The following TUBB variants were observed in gnomAD, a reference collection of about 807,000 sequenced individuals.
TUBB encodes tubulin beta class I, also known as tubulin beta chain.
Under a neutral mutation model 35.1 loss-of-function variants are expected in TUBB, and 2 were observed. The observed-to-expected ratio is 0.06, with a 90% CI of 0.02 to 0.18. The LOEUF (loss-of-function observed/expected upper bound fraction) is 0.18. Among genes scored for constraint, TUBB ranks in the 10% least tolerant of loss-of-function variants. TUBB has a pLI of 1.00. For synonymous variants in TUBB, 205 were observed against 223.8 expected, an observed-to-expected ratio of 0.92 and a Z score of 0.75; for missense variants, 50 against 599.4, an observed-to-expected ratio of 0.08 and a Z score of 9.57.
chr6:30,723,695 C>T lies in TUBB; in HGVS notation c.633C>T (p.Cys211=), dbSNP rs11546750. 1.2e-6 allele frequency: 2 copies of T among 1,614,228 alleles called. No individual in the cohort carries two copies. Among genetic ancestry groups the T allele is most frequent in the Non-Finnish European group, 1.7e-6 (2 of 1,180,042 alleles). ...ACAACGAGGCCCTCTATGATATCTG[C>T]TTCCGCACTCTGAAGCTGACCACAC... ...CIDNEALYDI[C]FRTLKLTTPT... Residue 211 remains cysteine, a synonymous_variant, in exon 4 of 4, where the codon TGC becomes TGT. Transcript: ENST00000327892.
At position 30,722,662 on chromosome 6, in the gene TUBB, G is replaced by C; in HGVS notation, c.166+17G>C. On this transcript the variant is annotated intron_variant, in intron 2 of 3. Coordinates refer to ENST00000327892, the MANE Select transcript of TUBB (RefSeq NM_178014.4). Reference sequence around the variant, plus strand: ...AAGCCACAGGTAAGGGCAGGAGCCCGGGCAGCTCAGGTTCCCTTCCCTGTC... The same window carrying C: ...AAGCCACAGGTAAGGGCAGGAGCCCCGGCAGCTCAGGTTCCCTTCCCTGTC... The C allele has an allele frequency of 6.2e-7, 1 of 1,600,154 alleles. No homozygotes were observed. The highest frequency in any genetic ancestry group is 8.6e-7 in the Non-Finnish European group (1 of 1,168,312).
intron 1 of TUBB, chr6:30,721,549 AG>A: frequency 1.0e-6 from 1 of 984,864 alleles, no homozygotes. Context: ...CCACGCGCGA[AG>A]TCTTTTGTCG....
intron 2 of TUBB, 127 bp from the exon 3 acceptor site, chr6:30,722,791 G>T: frequency 9.0e-7 from 1 of 1,112,332 alleles, no homozygotes. Context: ...GGCCAAAGAC[G>T]TCTGCTGCCA....
At position 30,720,512 on chromosome 6, in the gene TUBB, G is replaced by A. The variant is rs376473553; in HGVS notation, c.6G>A (p.Arg2=). 1.1e-5 allele frequency: 18 copies of A among 1,613,920 alleles called. No individual in the cohort carries two copies. The highest frequency in any genetic ancestry group is 1.4e-5 in the Non-Finnish European group (17 of 1,179,948). The change falls in exon 1 of 4, where the codon AGG becomes AGA. Residue 2 remains arginine, a synonymous_variant. Transcript: ENST00000327892. ...AAAAAAATTAAATTTTAACCATGAG[G>A]GAAATCGTGCACATCCAGGCTGGTC... M[R]EIVHIQAGQC...
At position 30,724,404 on chromosome 6, in the gene TUBB, G is replaced by C; in HGVS notation, c.*7G>C. The C allele has an allele frequency of 6.2e-7, 1 of 1,605,188 alleles. No homozygotes were observed. Among genetic ancestry groups the C allele is most frequent in the Non-Finnish European group, 8.5e-7 (1 of 1,175,948 alleles). ...GGCCGAAGAGGAGGCCTAAGGCAGA[G>C]CCCCCATCACCTCAGGCTTCTCAGT... On this transcript the variant is annotated 3_prime_UTR_variant, in exon 4 of 4. Transcript: ENST00000327892. This position sits in a 1 kb window ranked among gnomAD's most constrained non-coding sequence, Gnocchi z 4.4.
intron 1 of TUBB, chr6:30,721,763 T>G (rs1227899110): frequency 1.0e-6 from 1 of 984,094 alleles, no homozygotes; most frequent in Non-Finnish European, 1.2e-6. Context: ...GCTGCACATA[T>G]CCAGAGCAGG....
chr6:30,720,917 A>T (rs948681350), intron 1 of TUBB, among the ~76,000 whole-genome samples: 1 of 152,248 alleles, frequency 6.6e-6, no homozygotes, highest in African/African-American at 2.4e-5. Context: ...GGTTTTGCCC[A>T]TGTGCATCCC....
intron 1 of TUBB, chr6:30,721,881 G>A: frequency 1.0e-6 from 1 of 985,826 alleles, no homozygotes; most frequent in South Asian, 4.7e-5. Flanking sequence ...GAATTAAAAT[G>A]GGAGATGTGG....
In TUBB at chr6:30,724,647, C is replaced by T. The variant is rs1203302372; in HGVS notation, c.*250C>T. On this transcript the variant is annotated 3_prime_UTR_variant, in exon 4 of 4. Transcript: ENST00000327892. This position sits in a 1 kb window ranked among gnomAD's most constrained non-coding sequence, Gnocchi z 4.4. ...ATTCTGGGTGACCCTGTATTTCTTT[C>T]TGGTGCCCATTCCATTTGTCCAGTT... is the stretch of plus-strand genomic sequence containing the variant. 2 of 508,586 alleles carry T rather than the reference C, an allele frequency of 3.9e-6. No homozygotes were observed. The highest frequency in any genetic ancestry group is 3.6e-5 in the Admixed American group (1 of 27,738). The allele number at this position is 508,586 out of a possible 1,614,324, so 31.5% of individuals were successfully genotyped here. A position where few individuals can be genotyped will look rare whatever the true frequency, so the allele number is the denominator to read the frequency against.
chr6:30,723,680 C>T lies in TUBB; in HGVS notation c.618C>T (p.Ala206=), dbSNP rs749227116. 1.9e-6 allele frequency: 3 copies of T among 1,614,146 alleles called. No homozygotes were observed. The highest frequency in any genetic ancestry group is 2.5e-6 in the Non-Finnish European group (3 of 1,180,028). The change falls in exon 4 of 4, where the codon GCC becomes GCT. Residue 206 remains alanine (A), a synonymous_variant. Transcript: ENST00000327892. The part of the protein sequence containing the change: ...TDETYCIDNE[A]LYDICFRTLK... ...AGACCTATTGCATTGACAACGAGGC[C>T]CTCTATGATATCTGCTTCCGCACTC...
intron 1 of TUBB, 108 bp downstream of exon 1, chr6:30,720,671 C>T: frequency 1.0e-6 from 1 of 971,154 alleles, no homozygotes; most frequent in African/African-American, 1.7e-5. Flanking sequence ...TCAAGATTTG[C>T]CCCTCTCAAG....
intron 1 of TUBB, 57 bp downstream of exon 1, chr6:30,720,620 T>C: frequency 1.9e-6 from 3 of 1,549,760 alleles, no homozygotes; most frequent in Admixed American, 3.7e-5. Context: ...AGGTAAGTTA[T>C]GAAAAAATGG....
chr6:30,723,090 A>G (rs908634966), intron 3 of TUBB, 62 bp downstream of exon 3: 12 of 1,348,868 alleles, frequency 8.9e-6, no homozygotes, highest in Non-Finnish European at 1.3e-5. Context: ...TTTGGGTGCA[A>G]GGACACAGCA....
chr6:30,722,533 G>T lies in TUBB; in HGVS notation c.58-4G>T. The T allele has an allele frequency of 6.2e-7, 1 of 1,612,244 alleles. No homozygotes were observed. The highest frequency in any genetic ancestry group is 8.5e-7 in the Non-Finnish European group (1 of 1,178,554). ...GTTGTGGTCTCGTTGCTCCCCCTCG[G>T]CAGTTCTGGGAGGTGATCAGTGATG... On this transcript the variant is annotated splice_polypyrimidine_tract_variant and splice_region_variant and intron_variant, in intron 1 of 3. Coordinates refer to ENST00000327892, the MANE Select transcript of TUBB (RefSeq NM_178014.4).
intron 1 of TUBB, 114 bp downstream of exon 1, chr6:30,720,677 T>C: frequency 1.1e-6 from 1 of 882,562 alleles, no homozygotes; most frequent in Non-Finnish European, 1.8e-6. Flanking sequence ...TTTGCCCCTC[T>C]CAAGTTTGTT....
intron 3 of TUBB, 90 bp from the exon 4 acceptor site, chr6:30,723,250 C>T: frequency 8.8e-7 from 1 of 1,141,296 alleles, no homozygotes; most frequent in Non-Finnish European, 1.2e-6. Context: ...GAAGATACAT[C>T]CGAGGGAATT....
At chr6:30,721,668 G>A (rs1351906411) in intron 1 of TUBB, 7 of 985,440 alleles carry the variant, frequency 7.1e-6, no homozygotes, top group African/African-American at 5.2e-5. Flanking sequence ...GCCGCGCGGT[G>A]GGGCGGTGCC....
intron 2 of TUBB, 128 bp from the exon 3 acceptor site, chr6:30,722,790 C>T (rs1423376560): frequency 1.8e-6 from 2 of 1,099,892 alleles, no homozygotes; most frequent in East Asian, 2.5e-5. Flanking sequence ...GGGCCAAAGA[C>T]GTCTGCTGCC....
chr6:30,721,440 G>C (rs942457437), intron 1 of TUBB: 1 of 540,064 alleles, frequency 1.9e-6, no homozygotes, highest in Non-Finnish European at 2.4e-6. Context: ...GGGCCGGGGC[G>C]CCGTGGGCGC....
Sources: gnomAD v4.1 joint callset for allele counts (sites outside exome capture counted in the v4.1 genomes callset) on GRCh38, gnomAD v4.1.1 for gene constraint, Gnocchi (gnomAD v3.1) non-coding constraint, MANE v1.5 for transcripts, NCBI Gene and HGNC (gene_info 2026-07-23, HGNC 2026-07-21) for gene names.